Variants in SSH2 observed in about 807,000 individuals in gnomAD.
SSH2 encodes the protein protein phosphatase Slingshot homolog 2.
SSH2 carries 37 observed loss-of-function variants against 135.2 expected under a neutral mutation model. That is an observed-to-expected ratio of 0.27 (90% CI 0.21 to 0.36). The LOEUF is 0.36. Ranked by LOEUF, SSH2 falls within the 10% of genes least tolerant of loss-of-function variation. The pLI, the probability that SSH2 is intolerant of heterozygous loss-of-function variation, is 1.00. For missense variants in SSH2, 1,408 were observed against 1,765.3 expected, an observed-to-expected ratio of 0.80 and a Z score of 3.63; for synonymous variants, 628 against 646.2, an observed-to-expected ratio of 0.97 and a Z score of 0.43.
chr17:29,778,835 CAAAAAAAA>C (rs60595591), intron 3 of SSH2, among the ~76,000 whole-genome samples: 9 of 37,868 alleles, frequency 2.4e-4, no homozygotes, highest in African/African-American at 7.8e-4. Context: ...CTCCGTCTCC[CAAAAAAAA>C]AAAAAAAAAA....
At chr17:29,730,420 G>A (rs945089418) in intron 3 of SSH2, among the ~76,000 whole-genome samples, 2 of 148,888 alleles carry the variant, frequency 1.3e-5, no homozygotes, top group African/African-American at 4.9e-5. Context: ...CATTTACCCT[G>A]ATGTGATTTG....
At chr17:29,886,232 G>A (rs1462122103) in intron 1 of SSH2, among the ~76,000 whole-genome samples, 1 of 152,158 alleles carries the variant, frequency 6.6e-6, no homozygotes, top group African/African-American at 2.4e-5. Flanking sequence ...TGCTCATAGC[G>A]ATATGGACAA....
chr17:29,909,188 C>T (rs1179812531), intron 1 of SSH2, among the ~76,000 whole-genome samples: 3 of 152,244 alleles, frequency 2.0e-5, no homozygotes, highest in Admixed American at 6.5e-5. Context: ...CATGACTTCT[C>T]TTATAGGAAA....
intron 3 of SSH2, among the ~76,000 whole-genome samples, chr17:29,743,588 A>T (rs917487028): frequency 3.3e-5 from 5 of 152,326 alleles, no homozygotes; most frequent in African/African-American, 1.2e-4. Flanking sequence ...ACTATGGGAG[A>T]GCCACAGGGG....
intron 1 of SSH2, among the ~76,000 whole-genome samples, chr17:29,850,853 C>T (rs1000336361): frequency 3.9e-5 from 6 of 152,060 alleles, no homozygotes; most frequent in Non-Finnish European, 4.4e-5. Flanking sequence ...GGTGTGGTGG[C>T]GGGCGCCTGC....
At chr17:29,734,443 G>T (rs2040301469) in intron 3 of SSH2, among the ~76,000 whole-genome samples, 1 of 152,122 alleles carries the variant, frequency 6.6e-6, no homozygotes, top group Admixed American at 6.6e-5. Flanking sequence ...TGGCTTAATG[G>T]GTTGAATTCT....
rs533248868 is a variant in SSH2, at chr17:29,844,325, CT to C, written c.144+4523del. On this transcript the variant is annotated intron_variant, in intron 2 of 15. Coordinates refer to ENST00000540801, the MANE Select transcript of SSH2 (RefSeq NM_001282129.2). ...ATAAGTTTTATTTTTAGGAAATAAA[CT>C]AATATAACAAATATTTTCCTGACCA... Among the ~76,000 whole-genome samples, 64 of 152,284 alleles carry C rather than the reference CT, an allele frequency of 4.2e-4. 1 individual carries two copies. The highest frequency in any genetic ancestry group is 3.5e-3 in the Admixed American group (54 of 15,288).
At chr17:29,874,298 T>C (rs1251136351) in intron 1 of SSH2, among the ~76,000 whole-genome samples, 1 of 7,366 alleles carries the variant, frequency 1.4e-4, no homozygotes, top group Non-Finnish European at 2.3e-4. Flanking sequence ...CTCAAAAAAA[T>C]GGGGAGGGGG....
At chr17:29,862,116 C>T (rs1275240470) in intron 1 of SSH2, among the ~76,000 whole-genome samples, 1 of 152,160 alleles carries the variant, frequency 6.6e-6, no homozygotes, top group Non-Finnish European at 1.5e-5. Flanking sequence ...ATAAATGGTA[C>T]AGATTTGCAA....
At chr17:29,833,339 A>G (rs2042881101) in intron 2 of SSH2, among the ~76,000 whole-genome samples, 1 of 152,154 alleles carries the variant, frequency 6.6e-6, no homozygotes, top group African/African-American at 2.4e-5. Context: ...ATTATATAAT[A>G]GTCCTCTTTG....
intron 2 of SSH2, among the ~76,000 whole-genome samples, chr17:29,801,217 C>T (rs1315239323): frequency 6.6e-6 from 1 of 152,100 alleles, no homozygotes; most frequent in Non-Finnish European, 1.5e-5. Flanking sequence ...TGTTTACTAC[C>T]TGATCATAAA....
chr17:29,698,678 GT>G (rs1483813936), intron 4 of SSH2, among the ~76,000 whole-genome samples: 2 of 151,992 alleles, frequency 1.3e-5, no homozygotes, highest in Non-Finnish European at 2.9e-5. Context: ...TGTATTTTTT[GT>G]AGAGATGAGG....
In SSH2 at chr17:29,930,009, T is replaced by C. The variant is rs2067157416; in HGVS notation, c.-9A>G. On this transcript the variant is annotated 5_prime_UTR_variant, in exon 1 of 16. Coordinates refer to ENST00000540801, the MANE Select transcript of SSH2 (RefSeq NM_001282129.2). Reference sequence around the variant, plus strand: ...ACCGTGACCAAAGCCATCTAGGCGCTGCTGGGTTGTTCCGGGCAGGGCATT... The same window carrying C: ...ACCGTGACCAAAGCCATCTAGGCGCCGCTGGGTTGTTCCGGGCAGGGCATT... 1 of 1,488,930 alleles carries C rather than the reference T, an allele frequency of 6.7e-7. No homozygotes were observed. Among genetic ancestry groups the C allele is most frequent in the Admixed American group, 1.9e-5 (1 of 53,670 alleles). 92.2% of individuals were successfully genotyped at this position (1,488,930 alleles called of 1,614,324 possible). A position where few individuals can be genotyped will look rare whatever the true frequency, so the allele number is the denominator to read the frequency against.
rs148766565 is a variant in SSH2, at chr17:29,913,902, G to A, written c.63+16036C>T. Among the ~76,000 whole-genome samples, 745 of 152,082 alleles carry A rather than the reference G, an allele frequency of 4.9e-3. 7 individuals are homozygous for A. Among genetic ancestry groups the A allele is most frequent in the African/African-American group, 0.017 (712 of 41,492 alleles). On this transcript the variant is annotated intron_variant, in intron 1 of 15. Coordinates refer to ENST00000540801, the MANE Select transcript of SSH2 (RefSeq NM_001282129.2). ...GCCCGCCTCAGCCTCCCAAAGTGCT[G>A]GAATTACAGGCATGAGCCACCGCTC...
intron 9 of SSH2, among the ~76,000 whole-genome samples, chr17:29,671,405 C>T (rs1176148483): frequency 1.3e-5 from 2 of 151,920 alleles, no homozygotes; most frequent in African/African-American, 4.8e-5. Context: ...ATCACTTCAC[C>T]CAGGAGTTTG....
At chr17:29,827,483 G>A (rs1458323166) in intron 2 of SSH2, among the ~76,000 whole-genome samples, 1 of 152,148 alleles carries the variant, frequency 6.6e-6, no homozygotes, top group Non-Finnish European at 1.5e-5. Context: ...CAAGCAACTA[G>A]AACAGTGCTT....
intron 1 of SSH2, among the ~76,000 whole-genome samples, chr17:29,912,723 C>G (rs899896947): frequency 6.6e-6 from 1 of 151,898 alleles, no homozygotes; most frequent in African/African-American, 2.4e-5. Context: ...AGAGTGAGAT[C>G]CTGTCTCTAA....
chr17:29,780,517 C>G, intron 3 of SSH2: 1 of 151,194 alleles, frequency 6.6e-6, no homozygotes, highest in South Asian at 2.1e-4. Context: ...TTCCGCCTCC[C>G]GGGTTCAAGC....
intron 14 of SSH2, among the ~76,000 whole-genome samples, chr17:29,640,242 C>A (rs990476138): frequency 1.3e-5 from 2 of 152,098 alleles, no homozygotes; most frequent in Non-Finnish European, 2.9e-5. Context: ...CCACGCCTGG[C>A]TATTTTTGTA....
Sources: allele counts gnomAD v4.1 joint callset (sites outside exome capture counted in the v4.1 genomes callset), GRCh38; gene constraint gnomAD v4.1.1; transcripts MANE v1.5; gene names NCBI Gene and HGNC (gene_info 2026-07-23, HGNC 2026-07-21).